Variants in KAZN observed in about 807,000 individuals in gnomAD.
KAZN encodes the protein kazrin.
KAZN carries 40 observed loss-of-function variants against 87.4 expected under a neutral mutation model. That is an observed-to-expected ratio of 0.46 (90% CI 0.36 to 0.60). The LOEUF is 0.60. Ranked by LOEUF, KAZN falls within the 20% of genes least tolerant of loss-of-function variation. The pLI, the probability that KAZN is intolerant of heterozygous loss-of-function variation, is 0.00. For missense variants in KAZN, 898 were observed against 1,073.9 expected, an observed-to-expected ratio of 0.84 and a Z score of 2.29; for synonymous variants, 466 against 458.3, an observed-to-expected ratio of 1.02 and a Z score of -0.22.
intron 2 of KAZN, among the ~76,000 whole-genome samples, chr1:14,458,942 T>C (rs1448191406): frequency 1.3e-5 from 2 of 152,196 alleles, no homozygotes; most frequent in African/African-American, 4.8e-5. Flanking sequence ...TTGGAGGGTC[T>C]TAAGTTAGCC....
At chr1:14,173,639 G>A (rs1206925499) in intron 1 of KAZN, among the ~76,000 whole-genome samples, 2 of 151,224 alleles carry the variant, frequency 1.3e-5, no homozygotes, top group African/African-American at 2.4e-5. Flanking sequence ...GAAGCAGCTG[G>A]TGGGCTTTGT....
At position 13,919,449 on chromosome 1, in the gene KAZN, C is replaced by G. The variant is rs77479277; in HGVS notation, c.91+25693C>G. ...ATATCACACACGTTTAATATGTCTACACTTAATGGTCTTTTGGGTTATTTC... is the reference window on the plus strand; with the variant it reads ...ATATCACACACGTTTAATATGTCTAGACTTAATGGTCTTTTGGGTTATTTC... On this transcript the variant is annotated intron_variant, in intron 1 of 16. Coordinates refer to the KAZN transcript ENST00000636203. Among the ~76,000 whole-genome samples, 90 of 152,192 alleles carry G rather than the reference C, an allele frequency of 5.9e-4. 2 individuals carry two copies. The highest frequency in any genetic ancestry group is 2.2e-4 in the Non-Finnish European group (15 of 68,040).
At chr1:15,034,105 T>G (rs548507352) in intron 2 of KAZN, among the ~76,000 whole-genome samples, 1 of 152,210 alleles carries the variant, frequency 6.6e-6, no homozygotes, top group African/African-American at 2.4e-5. Context: ...ATATTCCAGA[T>G]AGAAGCCGCT....
chr1:14,991,647 C>T (rs1256952378), intron 2 of KAZN, among the ~76,000 whole-genome samples: 1 of 152,190 alleles, frequency 6.6e-6, no homozygotes, highest in Non-Finnish European at 1.5e-5. Context: ...TGTGCATGGC[C>T]ACACATACCC....
chr1:15,109,977 TTGTA>T (rs890529087), intron 13 of KAZN, among the ~76,000 whole-genome samples: 7 of 137,696 alleles, frequency 5.1e-5, no homozygotes, highest in African/African-American at 1.0e-4. Context: ...GTTTGTATGT[TTGTA>T]TGTTTATGTG....
chr1:14,502,708 G>A (rs576634098), intron 2 of KAZN, among the ~76,000 whole-genome samples: 1 of 152,310 alleles, frequency 6.6e-6, no homozygotes, highest in South Asian at 2.1e-4. Flanking sequence ...TGAGCACTGT[G>A]TGATGACCAC....
intron 1 of KAZN, among the ~76,000 whole-genome samples, chr1:14,666,823 A>G (rs1344600745): frequency 6.6e-6 from 1 of 152,082 alleles, no homozygotes; most frequent in Admixed American, 6.5e-5. Context: ...CTGCAACCTC[A>G]GCCTCCTGGG....
chr1:14,817,741 C>T (rs527841741), intron 1 of KAZN, among the ~76,000 whole-genome samples: 5 of 151,682 alleles, frequency 3.3e-5, no homozygotes, highest in African/African-American at 1.2e-4. Flanking sequence ...AATCCTGGCA[C>T]CTCCCTTTTT....
At chr1:14,795,738 C>T (rs1053546893) in intron 1 of KAZN, among the ~76,000 whole-genome samples, 2 of 152,172 alleles carry the variant, frequency 1.3e-5, no homozygotes, top group African/African-American at 2.4e-5. Context: ...GGCCTCATTC[C>T]ACACCAGCCC....
intron 2 of KAZN, among the ~76,000 whole-genome samples, chr1:14,347,858 T>C (rs1658221744): frequency 6.6e-6 from 1 of 151,456 alleles, no homozygotes; most frequent in Non-Finnish European, 1.5e-5. Context: ...GGGCATATAC[T>C]ACTATTTTTT....
intron 2 of KAZN, among the ~76,000 whole-genome samples, chr1:14,440,173 A>G (rs1079221): frequency 0.1 from 15,707 of 152,240 alleles, 1,248 homozygotes; most frequent in African/African-American, 0.21. Context: ...GAATTCAGCC[A>G]CAAAGAAGGT....
chr1:14,302,380 G>C (rs1024684192), intron 2 of KAZN, among the ~76,000 whole-genome samples: 1 of 152,192 alleles, frequency 6.6e-6, no homozygotes, highest in Admixed American at 6.5e-5. Context: ...GAGCCCAAGT[G>C]AACAGGCAAG....
chr1:14,620,556 C>T (rs1455267690), intron 1 of KAZN, among the ~76,000 whole-genome samples: 1 of 152,140 alleles, frequency 6.6e-6, no homozygotes, highest in African/African-American at 2.4e-5. Context: ...ACATGTTGTC[C>T]AGAGGAGATT....
At chr1:14,883,725 C>A (rs947353562) in intron 1 of KAZN, among the ~76,000 whole-genome samples, 3 of 152,174 alleles carry the variant, frequency 2.0e-5, no homozygotes, top group Non-Finnish European at 4.4e-5. Flanking sequence ...ACAGGCAAGA[C>A]CTTCCAGGCA....
At chr1:14,913,255 C>T (rs1657442883) in intron 1 of KAZN, among the ~76,000 whole-genome samples, 1 of 152,164 alleles carries the variant, frequency 6.6e-6, no homozygotes, top group Admixed American at 6.5e-5. Flanking sequence ...CCTGAGTACC[C>T]CTCCACTGGG....
intron 1 of KAZN, among the ~76,000 whole-genome samples, chr1:13,938,614 A>T (rs1298389975): frequency 1.3e-5 from 2 of 152,198 alleles, no homozygotes; most frequent in African/African-American, 4.8e-5. Flanking sequence ...ACCCTCACAG[A>T]TAATCTTTAC....
At chr1:14,031,679 G>A (rs1289973702) in intron 1 of KAZN, among the ~76,000 whole-genome samples, 2 of 152,144 alleles carry the variant, frequency 1.3e-5, no homozygotes, top group East Asian at 1.9e-4. Flanking sequence ...CACATCCCAC[G>A]TTGTAATTTT....
chr1:15,084,537 G>A (rs1640160340), intron 8 of KAZN, among the ~76,000 whole-genome samples: 1 of 152,258 alleles, frequency 6.6e-6, no homozygotes, highest in South Asian at 2.1e-4. Context: ...CAGGAGCAGT[G>A]AGTGATCACC....
chr1:14,099,060 T>C (rs16853588), intron 1 of KAZN, among the ~76,000 whole-genome samples: 6,643 of 152,200 alleles, frequency 0.044, 503 homozygotes, highest in African/African-American at 0.15. Flanking sequence ...CTTTGTTCAG[T>C]GTTCTACTTA....
Sources: gnomAD v4.1 joint callset for allele counts (sites outside exome capture counted in the v4.1 genomes callset) on GRCh38, gnomAD v4.1.1 for gene constraint, MANE v1.5 for transcripts, NCBI Gene and HGNC (gene_info 2026-07-23, HGNC 2026-07-21) for gene names.